Variants in ANKRD44 observed in about 807,000 individuals in gnomAD.
ANKRD44 encodes serine/threonine-protein phosphatase 6 regulatory ankyrin repeat subunit B.
In ANKRD44, 35 loss-of-function variants were observed where a neutral mutation model predicts 116.0. The ratio of observed to expected loss-of-function variants is 0.30; its 90% CI spans 0.23 to 0.40. ANKRD44 has a LOEUF of 0.40. Ranked by LOEUF, ANKRD44 falls within the 10% of genes least tolerant of loss-of-function variation. The probability of loss-of-function intolerance (pLI) is 1.00; values close to 1 mark genes in which losing one functional copy is unlikely to be tolerated. For missense variants in ANKRD44, 1,014 were observed against 1,242.6 expected (o/e 0.82, Z 2.77); for synonymous variants, 435 against 461.8 (o/e 0.94, Z 0.74).
chr2:197,118,653 A>AAGAAAGAG (rs2078777178), intron 8 of ANKRD44, among the ~76,000 whole-genome samples: 1 of 150,784 alleles, frequency 6.6e-6, no homozygotes, highest in Non-Finnish European at 1.5e-5. Flanking sequence ...GAAAGAAAGA[A>AAGAAAGAG]AGAAAGAAAG....
intron 1 of ANKRD44, among the ~76,000 whole-genome samples, chr2:197,299,748 G>T (rs116199489): frequency 0.017 from 2,616 of 152,182 alleles, 44 homozygotes; most frequent in African/African-American, 0.042. Flanking sequence ...GGTGACAGGT[G>T]CACCAAAATC....
intron 6 of ANKRD44, among the ~76,000 whole-genome samples, chr2:197,123,912 T>C (rs1202866955): frequency 1.3e-5 from 2 of 152,246 alleles, no homozygotes; most frequent in African/African-American, 2.4e-5. Flanking sequence ...TGGTTTTGCC[T>C]ATTATTCCTA....
chr2:197,149,126 G>C (rs1447298548), intron 2 of ANKRD44, among the ~76,000 whole-genome samples: 2 of 152,082 alleles, frequency 1.3e-5, no homozygotes, highest in East Asian at 1.9e-4. Context: ...TTTCTACTGG[G>C]ATTTTTGGAT....
chr2:197,083,669 G>A (rs947858302), intron 13 of ANKRD44, among the ~76,000 whole-genome samples, 160 bp from the exon 14 acceptor site: 2 of 152,316 alleles, frequency 1.3e-5, no homozygotes, highest in Admixed American at 6.5e-5. Flanking sequence ...TACAAGTTAG[G>A]TATCCCTTAT....
intron 16 of ANKRD44, among the ~76,000 whole-genome samples, chr2:197,065,409 C>A (rs2077409955): frequency 1.3e-5 from 2 of 152,234 alleles, no homozygotes; most frequent in South Asian, 4.1e-4. Context: ...CAAGAGCAAA[C>A]ACATTCAAAA....
intron 3 of ANKRD44, among the ~76,000 whole-genome samples, chr2:197,143,971 G>T (rs1358092928): frequency 6.6e-6 from 1 of 152,104 alleles, no homozygotes; most frequent in East Asian, 1.9e-4. Flanking sequence ...TGTGCACTCT[G>T]CTTTCTATAT....
intron 16 of ANKRD44, among the ~76,000 whole-genome samples, chr2:197,050,971 T>TC (rs1254635833): frequency 7.4e-6 from 1 of 135,918 alleles, no homozygotes; most frequent in South Asian, 2.1e-4. Flanking sequence ...CTCCCTTACT[T>TC]TTTTTTTTTT....
intron 16 of ANKRD44, among the ~76,000 whole-genome samples, chr2:197,044,778 G>T (rs1191457775): frequency 6.6e-6 from 1 of 151,830 alleles, no homozygotes; most frequent in Non-Finnish European, 1.5e-5. Flanking sequence ...AAATAATAAA[G>T]CAAGCCCTCT....
At chr2:197,223,383 T>C (rs917109617) in intron 1 of ANKRD44, among the ~76,000 whole-genome samples, 4 of 152,200 alleles carry the variant, frequency 2.6e-5, no homozygotes, top group Non-Finnish European at 5.9e-5. Context: ...TTTACATAAA[T>C]GGATTTAGAG....
chr2:197,308,172 C>A (rs13006176), intron 1 of ANKRD44, among the ~76,000 whole-genome samples: 5,016 of 62,684 alleles, frequency 0.08, 109 homozygotes, highest in South Asian at 0.15. Flanking sequence ...CACACACACA[C>A]AAAAAAAAAA....
intron 1 of ANKRD44, among the ~76,000 whole-genome samples, chr2:197,228,764 G>A (rs560482385): frequency 6.6e-5 from 10 of 152,348 alleles, no homozygotes; most frequent in African/African-American, 1.2e-4. Flanking sequence ...AGCCTGGCGC[G>A]GAGGCTCACG....
intron 1 of ANKRD44, among the ~76,000 whole-genome samples, chr2:197,244,605 C>G (rs139492812): frequency 7.4e-4 from 113 of 152,240 alleles, no homozygotes; most frequent in Middle Eastern, 6.8e-3. Context: ...GAAACTGTTG[C>G]AGGGGAGATA....
chr2:197,248,884 A>G (rs2082255903), intron 1 of ANKRD44, among the ~76,000 whole-genome samples: 2 of 152,070 alleles, frequency 1.3e-5, no homozygotes, highest in South Asian at 4.1e-4. Flanking sequence ...TTGTTTAGGG[A>G]GAACTAATAG....
Position 197,186,612 on chromosome 2 carries a change from C to CTTTTTTTTT in ANKRD44, c.111+402_111+410dup, listed in dbSNP as rs149107038. On this transcript the variant is annotated intron_variant, in intron 2 of 27. Coordinates refer to ENST00000282272, the MANE Select transcript of ANKRD44 (RefSeq NM_001195144.2). ...CCATCACTATGCCCGGCTAATTTTT[C>CTTTTTTTTT]TTTTTTTTTTTTTTTTTTTTTTTTT... 5.4e-3 allele frequency among the ~76,000 whole-genome samples: 275 copies of CTTTTTTTTT among 50,796 alleles called. 46 individuals carry two copies. Among genetic ancestry groups the CTTTTTTTTT allele is most frequent in the Non-Finnish European group, 5.9e-3 (134 of 22,766 alleles). 33.3% of individuals were successfully genotyped at this position (50,796 alleles called of 152,430 possible).
intron 1 of ANKRD44, among the ~76,000 whole-genome samples, chr2:197,204,630 G>A (rs78725168): frequency 6.6e-6 from 1 of 152,136 alleles, no homozygotes. Context: ...AGCTCCAGAC[G>A]TTTCAGTGAA....
At chr2:196,974,188 T>A (rs1304099755) in intron 21 of ANKRD44, among the ~76,000 whole-genome samples, 1 of 151,924 alleles carries the variant, frequency 6.6e-6, no homozygotes, top group African/African-American at 2.4e-5. Context: ...GCTTAAGCAA[T>A]CCTCCCTGCT....
chr2:197,193,607 C>T lies in ANKRD44; in HGVS notation c.28-6501G>A, dbSNP rs557848392. 1.4e-3 allele frequency among the ~76,000 whole-genome samples: 215 copies of T among 152,210 alleles called. 1 individual carries two copies. Among genetic ancestry groups the T allele is most frequent in the Non-Finnish European group, 2.3e-3 (153 of 67,998 alleles). ...TAAAAAATAACGTAACGGCCAGGCG[C>T]GGTGGCTCACACCTGTAATCCCAGC... On this transcript the variant is annotated intron_variant, in intron 1 of 27. Coordinates refer to ENST00000282272, the MANE Select transcript of ANKRD44 (RefSeq NM_001195144.2).
chr2:197,009,802 A>G (rs1440401722), intron 18 of ANKRD44, among the ~76,000 whole-genome samples: 3 of 152,136 alleles, frequency 2.0e-5, no homozygotes, highest in African/African-American at 7.2e-5. Flanking sequence ...TCTTCCTAGC[A>G]GGGTGCATTG....
rs532383405 is a variant in ANKRD44 at position 197,263,966 on chromosome 2, G to A, written c.27+46612C>T. Among the ~76,000 whole-genome samples the A allele has an allele frequency of 3.3e-5, 5 of 152,202 alleles. No homozygotes were observed. The South Asian group carries it at 1.0e-3, about 32-fold the overall frequency. ...CAGGTCATGTTCTTAAAAGAAAGGA[G>A]GCCAGAAGCCCGGTACAGTGGTATG... On this transcript the variant is annotated intron_variant, in intron 1 of 27. Coordinates refer to ENST00000282272, the MANE Select transcript of ANKRD44 (RefSeq NM_001195144.2).
Sources: gnomAD v4.1 joint callset for allele counts (sites outside exome capture counted in the v4.1 genomes callset) on GRCh38, gnomAD v4.1.1 for gene constraint, MANE v1.5 for transcripts, NCBI Gene and HGNC (gene_info 2026-07-23, HGNC 2026-07-21) for gene names.